Variants in CADPS observed in about 807,000 individuals in gnomAD.
The protein encoded by CADPS is calcium dependent secretion activator, also known as calcium-dependent secretion activator 1.
In CADPS, 57 loss-of-function variants were observed where a neutral mutation model predicts 167.3. The ratio of observed to expected loss-of-function variants is 0.34; its 90% confidence interval spans 0.28 to 0.42. The LOEUF (loss-of-function observed/expected upper bound fraction) is 0.42, where lower values mean the gene tolerates loss of function less well. CADPS is among the 20% of genes least tolerant of loss of function. The probability of loss-of-function intolerance (pLI) is 1.00; values close to 1 mark genes in which losing one functional copy is unlikely to be tolerated. For missense variants in CADPS, 1,414 were observed against 1,738.1 expected, an observed-to-expected ratio of 0.81 and a Z score of 3.32; for synonymous variants, 676 against 635.3, an observed-to-expected ratio of 1.06 and a Z score of -0.96.
In CADPS at chr3:62,763,642, G is replaced by A. The variant is rs143540601; in HGVS notation, c.555+2229C>T. On this transcript the variant is annotated intron_variant, in intron 2 of 29. Transcript: ENST00000383710. Reference sequence around the variant, plus strand: ...GCTTCTCCATAGCCCAAGGATGAAGGGGAAAGGAGAAAGGAAGGTGTAATC... The same window carrying A: ...GCTTCTCCATAGCCCAAGGATGAAGAGGAAAGGAGAAAGGAAGGTGTAATC... 4.0e-4 allele frequency among the ~76,000 whole-genome samples: 61 copies of A among 152,230 alleles called. No individual in the cohort carries two copies. The East Asian group carries it at 0.011, about 28-fold the overall frequency.
intron 17 of CADPS, among the ~76,000 whole-genome samples, chr3:62,509,592 C>T (rs568538403): frequency 1.6e-4 from 25 of 152,230 alleles, no homozygotes; most frequent in African/African-American, 5.5e-4. Flanking sequence ...TCCTGGAAGT[C>T]CTTTGGATAG....
intron 3 of CADPS, among the ~76,000 whole-genome samples, chr3:62,711,177 T>C (rs1427643295): frequency 6.6e-6 from 1 of 151,952 alleles, no homozygotes; most frequent in Non-Finnish European, 1.5e-5. Context: ...TCTATTGATA[T>C]ACATATATCA....
chr3:62,873,929 A>G (rs1002998345), intron 1 of CADPS, among the ~76,000 whole-genome samples: 2 of 152,144 alleles, frequency 1.3e-5, no homozygotes, highest in African/African-American at 2.4e-5. Flanking sequence ...CTCCAGCCAT[A>G]AGGAAGCAGT....
At chr3:62,745,035 T>A (rs2081149261) in intron 3 of CADPS, among the ~76,000 whole-genome samples, 1 of 152,164 alleles carries the variant, frequency 6.6e-6, no homozygotes, top group Non-Finnish European at 1.5e-5. Context: ...ACCAACCACA[T>A]CTTTAATGCC....
At chr3:62,559,694 A>G (rs2078807338) in intron 9 of CADPS, among the ~76,000 whole-genome samples, 1 of 152,052 alleles carries the variant, frequency 6.6e-6, no homozygotes, top group African/African-American at 2.4e-5. Flanking sequence ...GGGTTTCTCT[A>G]TGTTGGTCAA....
At chr3:62,591,400 A>G (rs959479759) in intron 7 of CADPS, among the ~76,000 whole-genome samples, 5 of 152,232 alleles carry the variant, frequency 3.3e-5, no homozygotes, top group African/African-American at 2.4e-5. Context: ...AGGAGGTGGC[A>G]TTTATGCAGA....
chr3:62,565,239 G>A (rs1197355953), intron 9 of CADPS, among the ~76,000 whole-genome samples: 1 of 152,180 alleles, frequency 6.6e-6, no homozygotes, highest in Non-Finnish European at 1.5e-5. Context: ...GTTAGGGTTT[G>A]CAGCCAGCCA....
rs187936761 is a variant in CADPS, at chr3:62,750,991, T to A, written c.888+2450A>T. Among the ~76,000 whole-genome samples, 293 of 152,304 alleles carry A rather than the reference T, an allele frequency of 1.9e-3. 2 individuals are homozygous for A. The highest frequency in any genetic ancestry group is 5.9e-3 in the African/African-American group (244 of 41,568). ...GACTTAACACTCTTGCACACACTTC[T>A]GCGTATCTACTTGTAATGAATTCCT... On this transcript the variant is annotated intron_variant, in intron 3 of 29. Coordinates refer to ENST00000383710, the MANE Select transcript of CADPS (RefSeq NM_003716.4).
chr3:62,847,267 T>G (rs1342110105), intron 1 of CADPS, among the ~76,000 whole-genome samples: 1 of 67,264 alleles, frequency 1.5e-5, no homozygotes, highest in East Asian at 7.2e-4. Context: ...TTTTCTTTTT[T>G]TTTTTTTTTT....
At chr3:62,727,436 G>C (rs2076948466) in intron 3 of CADPS, among the ~76,000 whole-genome samples, 1 of 151,828 alleles carries the variant, frequency 6.6e-6, no homozygotes, top group Non-Finnish European at 1.5e-5. Flanking sequence ...GAAATCTGTG[G>C]AGCATTGTTG....
At chr3:62,832,401 A>G (rs1006878308) in intron 1 of CADPS, among the ~76,000 whole-genome samples, 1 of 152,236 alleles carries the variant, frequency 6.6e-6, no homozygotes, top group Non-Finnish European at 1.5e-5. Flanking sequence ...ACAGAATAAT[A>G]ATGTCAAAGT....
In CADPS at chr3:62,753,823, G is replaced by T; in HGVS notation, c.556-50C>A. On this transcript the variant is annotated intron_variant, in intron 2 of 29. Coordinates refer to ENST00000383710, the MANE Select transcript of CADPS (RefSeq NM_003716.4). This position sits in a 1 kb window ranked among gnomAD's most constrained non-coding sequence, Gnocchi z 4.6. ...GACAGTAGGAGAGTTTACCACAGAG[G>T]TACCAGTTCCCTGGGGCTGGACACT... 1.3e-6 allele frequency: 2 copies of T among 1,530,956 alleles called. No individual in the cohort carries two copies. The highest frequency in any genetic ancestry group is 1.3e-5 in the South Asian group (1 of 79,802). 94.8% of individuals were successfully genotyped at this position (1,530,956 alleles called of 1,614,324 possible). A position where few individuals can be genotyped will look rare whatever the true frequency, so the allele number is the denominator to read the frequency against.
chr3:62,589,892 C>T (rs1368669709), intron 7 of CADPS, among the ~76,000 whole-genome samples: 1 of 152,146 alleles, frequency 6.6e-6, no homozygotes, highest in Non-Finnish European at 1.5e-5. Context: ...ACAAACACAT[C>T]TGTAAACTAT....
chr3:62,822,617 G>A (rs1375553606), intron 1 of CADPS, among the ~76,000 whole-genome samples: 1 of 152,126 alleles, frequency 6.6e-6, no homozygotes, highest in African/African-American at 2.4e-5. Context: ...CGAGACGGGT[G>A]GATCACTTGA....
chr3:62,535,317 C>T (rs1376322494), intron 12 of CADPS, among the ~76,000 whole-genome samples: 1 of 150,346 alleles, frequency 6.7e-6, no homozygotes. Context: ...GAATTCTAAA[C>T]CTGAGATAAT....
chr3:62,558,856 C>A (rs1325847642), intron 9 of CADPS, among the ~76,000 whole-genome samples: 1 of 152,200 alleles, frequency 6.6e-6, no homozygotes, highest in Non-Finnish European at 1.5e-5. Flanking sequence ...AAACCTAAGG[C>A]TGGGTCACTG....
intron 22 of CADPS, among the ~76,000 whole-genome samples, chr3:62,480,830 G>A (rs928249761): frequency 2.6e-5 from 4 of 152,274 alleles, no homozygotes; most frequent in South Asian, 2.1e-4. Flanking sequence ...AATCATGCAC[G>A]TGGTTCTAAT....
intron 8 of CADPS, among the ~76,000 whole-genome samples, chr3:62,572,344 C>T (rs2081442917): frequency 6.6e-6 from 1 of 152,086 alleles, no homozygotes; most frequent in South Asian, 2.1e-4. Context: ...TCCCTCTTCC[C>T]ACTTCCACTA....
chr3:62,800,577 AAT>A (rs950439539), intron 1 of CADPS, among the ~76,000 whole-genome samples: 2 of 152,186 alleles, frequency 1.3e-5, no homozygotes, highest in Non-Finnish European at 2.9e-5. Context: ...TAAATATAGA[AAT>A]ATGTTTAAAT....
Sources: gnomAD v4.1 joint callset for allele counts (sites outside exome capture counted in the v4.1 genomes callset) on GRCh38, gnomAD v4.1.1 for gene constraint, Gnocchi (gnomAD v3.1) non-coding constraint, MANE v1.5 for transcripts, NCBI Gene and HGNC (gene_info 2026-07-23, HGNC 2026-07-21) for gene names.